Variants in STK33 observed in about 807,000 individuals in gnomAD.
STK33 encodes the protein serine/threonine kinase 33.
Under a neutral mutation model 58.0 loss-of-function variants are expected in STK33, and 52 were observed. The ratio of observed to expected loss-of-function variants is 0.90; its 90% CI spans 0.72 to 1.13. STK33 has a LOEUF of 1.13. Among genes scored for constraint, STK33 ranks in the 50% most tolerant of loss-of-function variants. The pLI, the probability that STK33 is intolerant of heterozygous loss-of-function variation, is 0.00. For synonymous variants in STK33, 215 were observed against 200.1 expected, an observed-to-expected ratio of 1.07 and a Z score of -0.63; for missense variants, 630 against 604.2, an observed-to-expected ratio of 1.04 and a Z score of -0.45.
chr11:8,437,058 A>G (rs1469591046), intron 12 of STK33, among the ~76,000 whole-genome samples: 1 of 152,192 alleles, frequency 6.6e-6, no homozygotes, highest in African/African-American at 2.4e-5. Flanking sequence ...AAACGGACAC[A>G]ACTCATCAAA....
chr11:8,555,269 T>C (rs1956656359), intron 1 of STK33: 1 of 152,012 alleles, frequency 6.6e-6, no homozygotes, highest in South Asian at 2.1e-4. Context: ...AGGGAAGGAA[T>C]GGAAAGCTGC....
intron 2 of STK33, among the ~76,000 whole-genome samples, chr11:8,479,346 T>C (rs1192881746): frequency 2.7e-5 from 4 of 150,858 alleles, no homozygotes; most frequent in African/African-American, 4.9e-5. Flanking sequence ...GGCAGGAGAA[T>C]CGCTTGAACC....
the STK33 span, among the ~76,000 whole-genome samples, chr11:8,343,225 G>C: frequency 2.0e-5 from 3 of 152,376 alleles, no homozygotes; most frequent in East Asian, 5.8e-4. Flanking sequence ...TCTGGCAGCA[G>C]TGTGTGCTGT....
At chr11:8,448,466 A>AC (rs1251986909) in intron 11 of STK33, among the ~76,000 whole-genome samples, 3 of 152,206 alleles carry the variant, frequency 2.0e-5, no homozygotes, top group African/African-American at 7.2e-5. Context: ...CAGAGCCCTC[A>AC]GAAATAATGC....
At chr11:8,477,355 T>C (rs1170691193) in intron 2 of STK33, 72 bp from the exon 3 acceptor site, 5 of 151,856 alleles carry the variant, frequency 3.3e-5, no homozygotes, top group Admixed American at 2.0e-4. Flanking sequence ...AGCAGTGGAG[T>C]AGATCTGCAA....
chr11:8,551,044 C>T (rs1956265482), intron 1 of STK33, among the ~76,000 whole-genome samples: 1 of 152,046 alleles, frequency 6.6e-6, no homozygotes, highest in African/African-American at 2.4e-5. Context: ...ACAATCATGA[C>T]AGAAGGCAAG....
chr11:8,489,746 C>T (rs559283693), intron 1 of STK33, among the ~76,000 whole-genome samples: 4 of 152,282 alleles, frequency 2.6e-5, no homozygotes, highest in Admixed American at 2.0e-4. Context: ...ACATTCAAAC[C>T]TTAGTGATAC....
intron 1 of STK33, among the ~76,000 whole-genome samples, chr11:8,584,218 G>A (rs2031041441): frequency 6.6e-6 from 1 of 151,806 alleles, no homozygotes; most frequent in African/African-American, 2.4e-5. Context: ...CCAAATACTT[G>A]CAAATAGCTA....
At chr11:8,340,855 T>G in the STK33 span, among the ~76,000 whole-genome samples, 889 of 152,148 alleles carry the variant, frequency 5.8e-3, 8 homozygotes, top group Admixed American at 0.014. Context: ...TTTTGTTTTG[T>G]TTTGTTTTGG....
chr11:8,580,682 ATGATG>A (rs2029992975), intron 1 of STK33: 1 of 152,214 alleles, frequency 6.6e-6, no homozygotes, highest in African/African-American at 2.4e-5. Flanking sequence ...CCCATTTTCC[ATGATG>A]TGATTACTAT....
intron 13 of STK33, 101 bp from the exon 14 acceptor site, chr11:8,435,680 G>C: frequency 1.8e-6 from 1 of 569,936 alleles, no homozygotes. Context: ...AGGAAAGAAA[G>C]ATGCCAAGTG....
At chr11:8,472,516 GAGC>G (rs1948873233) in intron 6 of STK33, among the ~76,000 whole-genome samples, 1 of 152,138 alleles carries the variant, frequency 6.6e-6, no homozygotes, top group African/African-American at 2.4e-5. Flanking sequence ...TCAGTCAGCT[GAGC>G]AATCAGAACA....
intron 1 of STK33, among the ~76,000 whole-genome samples, chr11:8,589,781 G>T (rs948274747): frequency 6.6e-6 from 1 of 152,132 alleles, no homozygotes; most frequent in Non-Finnish European, 1.5e-5. Flanking sequence ...CTGGATATTG[G>T]TGTTTACTTT....
chr11:8,491,954 C>T (rs201669057), intron 1 of STK33, among the ~76,000 whole-genome samples: 16 of 152,182 alleles, frequency 1.1e-4, no homozygotes, highest in East Asian at 5.8e-4. Flanking sequence ...GCACCAAACA[C>T]GGAAAGGAAC....
At position 8,517,022 on chromosome 11, in the gene STK33, C is replaced by A. The variant is rs573359680; in HGVS notation, c.-465-36408G>T. On this transcript the variant is annotated intron_variant, in intron 1 of 15. Transcript: ENST00000687296. ...ACAGAGTTTGAGATCTAAGAACGAA[C>A]AGACTGCCTCCTCAAGTGGGTCCCT... is the stretch of plus-strand genomic sequence containing the variant. 1.1e-3 allele frequency among the ~76,000 whole-genome samples: 167 copies of A among 152,310 alleles called. 1 individual carries two copies. The highest frequency in any genetic ancestry group is 2.0e-3 in the Non-Finnish European group (134 of 68,032).
intron 6 of STK33, among the ~76,000 whole-genome samples, chr11:8,469,718 A>C (rs1281366654): frequency 6.6e-6 from 1 of 152,218 alleles, no homozygotes; most frequent in Non-Finnish European, 1.5e-5. Context: ...AAGGCTACAA[A>C]ACAGAAATCA....
rs192349792 is a variant in STK33, at chr11:8,443,009, A to C, written c.872-2256T>G. Reference sequence around the variant, plus strand: ...CTTTCTGGGGTGACAGAAATGTTCTATGACTTGAACATAATGGGGTAGTGA... The same window carrying C: ...CTTTCTGGGGTGACAGAAATGTTCTCTGACTTGAACATAATGGGGTAGTGA... On this transcript the variant is annotated intron_variant, in intron 11 of 15. Transcript: ENST00000687296. 4.2e-3 allele frequency among the ~76,000 whole-genome samples: 644 copies of C among 152,364 alleles called. 3 individuals carry two copies. Among genetic ancestry groups the C allele is most frequent in the African/African-American group, 0.015 (614 of 41,586 alleles).
At chr11:8,580,106 C>T (rs2029874694) in intron 1 of STK33, among the ~76,000 whole-genome samples, 2 of 152,134 alleles carry the variant, frequency 1.3e-5, no homozygotes, top group African/African-American at 4.8e-5. Flanking sequence ...CCAGCAATCC[C>T]ACTGTGGGGT....
chr11:8,495,851 G>A (rs538311847), intron 1 of STK33, among the ~76,000 whole-genome samples: 1 of 146,130 alleles, frequency 6.8e-6, no homozygotes, highest in South Asian at 2.1e-4. Context: ...CATAAGGACA[G>A]AAAACCAAAC....
Sources: allele counts gnomAD v4.1 joint callset (sites outside exome capture counted in the v4.1 genomes callset), GRCh38; gene constraint gnomAD v4.1.1; transcripts MANE v1.5; gene names NCBI Gene and HGNC (gene_info 2026-07-23, HGNC 2026-07-21).